Variants in RBFOX1 observed in about 807,000 individuals in gnomAD.
The protein encoded by RBFOX1 is RNA binding fox-1 homolog 1.
In RBFOX1, 8 loss-of-function variants were observed where a neutral mutation model predicts 57.7. The ratio of observed to expected loss-of-function variants is 0.14; its 90% confidence interval spans 0.08 to 0.25. The LOEUF (loss-of-function observed/expected upper bound fraction) is 0.25, where lower values mean the gene tolerates loss of function less well. RBFOX1 is among the 10% of genes least tolerant of loss of function. The pLI, the probability that RBFOX1 is intolerant of heterozygous loss-of-function variation, is 1.00. For missense variants in RBFOX1, 611 were observed against 548.5 expected (o/e 1.11, Z -1.14); for synonymous variants, 326 against 222.4 (o/e 1.47, Z -4.15).
At chr16:6,617,166 A>G (rs1207257628) in intron 2 of RBFOX1, among the ~76,000 whole-genome samples, 1 of 151,904 alleles carries the variant, frequency 6.6e-6, no homozygotes, top group Non-Finnish European at 1.5e-5. Flanking sequence ...CCCTGACTAT[A>G]AGCACTTGTC....
intron 12 of RBFOX1, among the ~76,000 whole-genome samples, chr16:7,658,906 G>A (rs1379992805): frequency 1.3e-5 from 2 of 152,242 alleles, no homozygotes; most frequent in East Asian, 3.9e-4. Context: ...TGTATTTTTA[G>A]TAGAGACAGG....
intron 4 of RBFOX1, among the ~76,000 whole-genome samples, chr16:5,961,430 A>G (rs1353421467): frequency 6.6e-6 from 1 of 151,862 alleles, no homozygotes; most frequent in Non-Finnish European, 1.5e-5. Context: ...CCCTTACTTC[A>G]CACTATATTT....
intron 3 of RBFOX1, among the ~76,000 whole-genome samples, chr16:5,848,522 A>G (rs972094547): frequency 6.6e-6 from 1 of 152,224 alleles, no homozygotes; most frequent in African/African-American, 2.4e-5. Flanking sequence ...GTTTGGAACT[A>G]TGGGTAAAAC....
At chr16:6,308,098 G>T (rs1348375491) in intron 1 of RBFOX1, among the ~76,000 whole-genome samples, 4 of 150,050 alleles carry the variant, frequency 2.7e-5, no homozygotes, top group Admixed American at 2.7e-4. Context: ...ATTTATTTAG[G>T]TTATTATTTA....
intron 4 of RBFOX1, among the ~76,000 whole-genome samples, chr16:7,085,600 A>G (rs2059869825): frequency 6.6e-6 from 1 of 152,064 alleles, no homozygotes; most frequent in Non-Finnish European, 1.5e-5. Context: ...TGCCTGCAAA[A>G]TTTTAAAGAG....
chr16:6,291,878 G>C (rs147846032), intron 1 of RBFOX1, among the ~76,000 whole-genome samples: 1 of 152,002 alleles, frequency 6.6e-6, no homozygotes, highest in Non-Finnish European at 1.5e-5. Context: ...ATTGAGACTT[G>C]CCTTGGTCAT....
intron 2 of RBFOX1, among the ~76,000 whole-genome samples, chr16:5,473,468 C>T (rs921567417): frequency 1.3e-5 from 2 of 151,948 alleles, no homozygotes; most frequent in Admixed American, 1.3e-4. Context: ...CAGTACCTCA[C>T]CTTTTTATTC....
rs544207455 is a variant in RBFOX1, at chr16:6,040,374, C to T, written c.-127+20382C>T. 2.0e-5 allele frequency among the ~76,000 whole-genome samples: 3 copies of T among 152,282 alleles called. 1 individual carries two copies. The highest frequency in any genetic ancestry group is 2.0e-4 in the Admixed American group (3 of 15,300). On this transcript the variant is annotated intron_variant, in intron 1 of 15. Transcript: ENST00000550418. ...AAGTAACTCCTCATTCCTTCCTTCCCTAGTCCCTGGCAACCAACATTCTAC... is the reference window on the plus strand; with the variant it reads ...AAGTAACTCCTCATTCCTTCCTTCCTTAGTCCCTGGCAACCAACATTCTAC...
At chr16:6,373,301 G>T (rs538412596) in intron 2 of RBFOX1, among the ~76,000 whole-genome samples, 10 of 151,642 alleles carry the variant, frequency 6.6e-5, no homozygotes, top group African/African-American at 2.2e-4. Context: ...AGGATGGTTG[G>T]TAAGGATCTT....
chr16:6,063,712 G>C (rs1482328922), intron 1 of RBFOX1, among the ~76,000 whole-genome samples: 1 of 152,150 alleles, frequency 6.6e-6, no homozygotes. Flanking sequence ...CCTGTCACCA[G>C]GGCAACCAGG....
chr16:5,697,330 T>C (rs190678836), intron 3 of RBFOX1, among the ~76,000 whole-genome samples: 14 of 151,582 alleles, frequency 9.2e-5, no homozygotes, highest in Non-Finnish European at 1.3e-4. Flanking sequence ...ATAGGAAAAG[T>C]ATATAATTTA....
At chr16:6,282,467 C>G (rs937190009) in intron 1 of RBFOX1, among the ~76,000 whole-genome samples, 7 of 151,062 alleles carry the variant, frequency 4.6e-5, no homozygotes. Flanking sequence ...TTTGCTGCAC[C>G]TGTCAACCTG....
intron 2 of RBFOX1, among the ~76,000 whole-genome samples, chr16:6,552,132 G>A (rs1240593659): frequency 6.6e-6 from 1 of 152,290 alleles, no homozygotes; most frequent in South Asian, 2.1e-4. Context: ...ATGTTCTTGT[G>A]TGTGGCTAAG....
intron 1 of RBFOX1, among the ~76,000 whole-genome samples, chr16:6,094,880 T>G (rs946250860): frequency 6.6e-6 from 1 of 152,196 alleles, no homozygotes; most frequent in Non-Finnish European, 1.5e-5. Context: ...GCCAACATGA[T>G]GAAACCCTGT....
chr16:7,584,459 A>G (rs1040041936), intron 6 of RBFOX1, among the ~76,000 whole-genome samples: 4 of 151,928 alleles, frequency 2.6e-5, no homozygotes, highest in Middle Eastern at 3.2e-3. Context: ...TGACTGGGTA[A>G]TTTTTACATT....
intron 3 of RBFOX1, among the ~76,000 whole-genome samples, chr16:5,744,947 A>ATT (rs566688896): frequency 2.0e-5 from 3 of 151,210 alleles, no homozygotes; most frequent in Non-Finnish European, 3.0e-5. Context: ...TAATTTTTGT[A>ATT]TTTTTTTTTA....
At chr16:5,807,711 T>G (rs1365647304) in intron 3 of RBFOX1, among the ~76,000 whole-genome samples, 2 of 152,170 alleles carry the variant, frequency 1.3e-5, no homozygotes, top group Non-Finnish European at 2.9e-5. Flanking sequence ...GAAGTCTACA[T>G]CGGTGCATCA....
At chr16:5,864,914 A>G (rs566907543) in intron 3 of RBFOX1, among the ~76,000 whole-genome samples, 282 of 152,340 alleles carry the variant, frequency 1.9e-3, no homozygotes, top group African/African-American at 6.4e-3. Flanking sequence ...TACTTTAGTC[A>G]TTATACTTTT....
chr16:7,460,545 A>G (rs981105453), intron 4 of RBFOX1, among the ~76,000 whole-genome samples: 6 of 148,104 alleles, frequency 4.1e-5, no homozygotes, highest in African/African-American at 1.3e-4. Flanking sequence ...GAGGGGAACA[A>G]CACACAGTGG....
Sources: allele counts gnomAD v4.1 joint callset (sites outside exome capture counted in the v4.1 genomes callset), GRCh38; gene constraint gnomAD v4.1.1; transcripts MANE v1.5; gene names NCBI Gene and HGNC (gene_info 2026-07-23, HGNC 2026-07-21).